FSTL4: variants seen among roughly 807,000 people sequenced by gnomAD.
The protein encoded by FSTL4 is follistatin like 4, also known as follistatin-related protein 4.
A neutral mutation model predicts 78.2 loss-of-function variants in FSTL4; 28 were observed. That is an observed-to-expected ratio of 0.36 (90% confidence interval 0.27 to 0.49). FSTL4 has a LOEUF of 0.49. FSTL4 is among the 20% of genes least tolerant of loss of function. The pLI, the probability that FSTL4 is intolerant of heterozygous loss-of-function variation, is 0.98. For missense variants in FSTL4, 922 were observed against 1,084.9 expected, an observed-to-expected ratio of 0.85 and a Z score of 2.11; for synonymous variants, 422 against 440.5, an observed-to-expected ratio of 0.96 and a Z score of 0.53.
At chr5:133,591,832 T>C (rs1171775229) in intron 2 of FSTL4, among the ~76,000 whole-genome samples, 1 of 152,078 alleles carries the variant, frequency 6.6e-6, no homozygotes, top group Admixed American at 6.6e-5. Context: ...AGACTTCCAA[T>C]GCCTCTAAGC....
chr5:133,320,500 CAAATAA>C (rs1316821707), intron 4 of FSTL4, among the ~76,000 whole-genome samples: 1 of 152,102 alleles, frequency 6.6e-6, no homozygotes, highest in African/African-American at 2.4e-5. Flanking sequence ...TTGGAAAGTG[CAAATAA>C]AAATAAAGAA....
the FSTL4 span, among the ~76,000 whole-genome samples, chr5:133,775,114 G>A: frequency 2.0e-5 from 3 of 152,134 alleles, no homozygotes; most frequent in Admixed American, 2.0e-4. Context: ...AAATCTCCTA[G>A]TTTGTGAGAG....
At chr5:133,776,447 G>A in the FSTL4 span, among the ~76,000 whole-genome samples, 1 of 152,126 alleles carries the variant, frequency 6.6e-6, no homozygotes, top group East Asian at 1.9e-4. Context: ...CATGTTGCTA[G>A]TCCCAGGGTA....
the FSTL4 span, among the ~76,000 whole-genome samples, chr5:133,769,197 C>G: frequency 1.3e-5 from 2 of 152,200 alleles, no homozygotes; most frequent in South Asian, 2.1e-4. Flanking sequence ...GAGATCAATC[C>G]TGTCTTTACT....
the FSTL4 span, among the ~76,000 whole-genome samples, chr5:133,665,299 C>T: frequency 6.6e-6 from 1 of 152,224 alleles, no homozygotes; most frequent in African/African-American, 2.4e-5. Flanking sequence ...GAGATTTGGT[C>T]AGGCCATGTT....
At chr5:133,428,275 C>T (rs1001685564) in intron 3 of FSTL4, among the ~76,000 whole-genome samples, 45 of 152,158 alleles carry the variant, frequency 3.0e-4, no homozygotes, top group East Asian at 1.5e-3. Context: ...ATCTGTCATA[C>T]GCATCATGGC....
intron 3 of FSTL4, among the ~76,000 whole-genome samples, chr5:133,553,760 G>A (rs891723995): frequency 3.3e-5 from 5 of 152,118 alleles, no homozygotes; most frequent in African/African-American, 7.2e-5. Flanking sequence ...TAACTTAAAC[G>A]AAAGTCAAAA....
Position 133,236,419 on chromosome 5 carries a change from GA to G in FSTL4, c.895-2883del, listed in dbSNP as rs10707661. Among the ~76,000 whole-genome samples the G allele has an allele frequency of 0.1, 15,039 of 147,958 alleles. 2,241 individuals are homozygous for G. The highest frequency in any genetic ancestry group is 0.33 in the African/African-American group (13,393 of 40,802). ...CACCTTGTATGTATTTAATCCTCAG[GA>G]AAAAAAAAACCCTGAAAACCCCAAT... On this transcript the variant is annotated intron_variant, in intron 7 of 15. Coordinates refer to ENST00000265342, the MANE Select transcript of FSTL4 (RefSeq NM_015082.2). This position sits in a 1 kb window ranked among gnomAD's most constrained non-coding sequence, Gnocchi z 5.0.
the FSTL4 span, among the ~76,000 whole-genome samples, chr5:133,708,900 A>G: frequency 6.6e-6 from 1 of 152,184 alleles, no homozygotes; most frequent in Non-Finnish European, 1.5e-5. Context: ...CCTCCACCAG[A>G]AAACCAATTC....
intron 12 of FSTL4, among the ~76,000 whole-genome samples, 154 bp downstream of exon 12, chr5:133,220,594 C>T (rs953068419): frequency 6.6e-6 from 1 of 152,100 alleles, no homozygotes; most frequent in South Asian, 2.1e-4. Context: ...TTCTCAGCCT[C>T]ATCTATTCCT....
chr5:133,523,186 G>A (rs1016962758), intron 3 of FSTL4, among the ~76,000 whole-genome samples: 4 of 152,170 alleles, frequency 2.6e-5, no homozygotes, highest in African/African-American at 9.7e-5. Context: ...GGCCATGTGA[G>A]GACACAGCAA....
the FSTL4 span, among the ~76,000 whole-genome samples, chr5:133,711,775 C>T: frequency 2.0e-5 from 3 of 152,208 alleles, no homozygotes; most frequent in Non-Finnish European, 4.4e-5. Context: ...CAAACCCCTT[C>T]CTGCATTCCA....
At chr5:133,406,657 A>G (rs575450754) in intron 3 of FSTL4, among the ~76,000 whole-genome samples, 2 of 152,342 alleles carry the variant, frequency 1.3e-5, no homozygotes, top group South Asian at 4.1e-4. Context: ...CCTCCCAAGG[A>G]CATGTGTGTG....
At chr5:133,402,911 C>T (rs1268620825) in intron 3 of FSTL4, among the ~76,000 whole-genome samples, 1 of 152,254 alleles carries the variant, frequency 6.6e-6, no homozygotes, top group African/African-American at 2.4e-5. Flanking sequence ...TGCACGCCTT[C>T]CTGTCAAGGT....
At chr5:133,352,341 T>TAC (rs1554107460) in intron 4 of FSTL4, among the ~76,000 whole-genome samples, 3 of 97,596 alleles carry the variant, frequency 3.1e-5, no homozygotes, top group African/African-American at 1.3e-4. Context: ...CATATATATA[T>TAC]ACACATATAT....
intron 3 of FSTL4, among the ~76,000 whole-genome samples, chr5:133,425,226 CTA>C (rs1491575456): frequency 4.2e-5 from 6 of 144,086 alleles, no homozygotes; most frequent in Non-Finnish European, 9.3e-5. Context: ...TCAAAGTGAC[CTA>C]AAAAAAAAGG....
chr5:133,589,642 C>G (rs1291469261), intron 2 of FSTL4, among the ~76,000 whole-genome samples: 1 of 152,064 alleles, frequency 6.6e-6, no homozygotes, highest in African/African-American at 2.4e-5. Context: ...AAGAGGCCAC[C>G]CACCGCCCAG....
At chr5:133,557,452 G>A (rs999823428) in intron 3 of FSTL4, among the ~76,000 whole-genome samples, 1 of 152,186 alleles carries the variant, frequency 6.6e-6, no homozygotes, top group South Asian at 2.1e-4. Flanking sequence ...AGACCCAATT[G>A]CCATTTGGGG....
chr5:133,378,389 A>T (rs1195510640), intron 4 of FSTL4, among the ~76,000 whole-genome samples: 1 of 152,212 alleles, frequency 6.6e-6, no homozygotes, highest in African/African-American at 2.4e-5. Context: ...GGTGGGTGCA[A>T]AACTGTATTG....
Sources: allele counts gnomAD v4.1 joint callset (sites outside exome capture counted in the v4.1 genomes callset), GRCh38; gene constraint gnomAD v4.1.1; non-coding constraint Gnocchi (gnomAD v3.1); transcripts MANE v1.5; gene names NCBI Gene and HGNC (gene_info 2026-07-23, HGNC 2026-07-21).